Variants in LIMCH1 observed in about 807,000 individuals in gnomAD.
LIMCH1 encodes LIM and calponin homology domains 1.
In LIMCH1, 113 loss-of-function variants were observed where a neutral mutation model predicts 176.5. The observed-to-expected ratio is 0.64, with a 90% CI of 0.55 to 0.75. The LOEUF is 0.75. Ranked by LOEUF, LIMCH1 falls within the 30% of genes least tolerant of loss-of-function variation. LIMCH1 has a pLI of 0.00. For missense variants in LIMCH1, 1,674 were observed against 1,814.9 expected (o/e 0.92, Z 1.41); for synonymous variants, 619 against 645.9 (o/e 0.96, Z 0.63).
chr4:41,367,043 C>T (rs1358537063), intron 1 of LIMCH1, among the ~76,000 whole-genome samples: 1 of 152,142 alleles, frequency 6.6e-6, no homozygotes, highest in African/African-American at 2.4e-5. Flanking sequence ...CTGCCAAATG[C>T]TTTTAAAACC....
chr4:41,625,109 C>A (rs536831040), intron 7 of LIMCH1, among the ~76,000 whole-genome samples: 8 of 152,146 alleles, frequency 5.3e-5, no homozygotes, highest in Non-Finnish European at 5.9e-5. Flanking sequence ...ACAGCCTGGC[C>A]TGCCCCTTGA....
chr4:41,421,185 C>G (rs989520923), intron 1 of LIMCH1, among the ~76,000 whole-genome samples: 2 of 152,170 alleles, frequency 1.3e-5, no homozygotes, highest in Non-Finnish European at 2.9e-5. Flanking sequence ...ACATATTTAC[C>G]TACTCTGTGA....
chr4:41,559,630 T>A (rs922305302), intron 1 of LIMCH1, among the ~76,000 whole-genome samples: 18 of 152,154 alleles, frequency 1.2e-4, no homozygotes. Flanking sequence ...CGTACCAGCC[T>A]GACTTCCACT....
In LIMCH1 at chr4:41,685,780, G is replaced by A. The variant is rs61733763; in HGVS notation, c.4038G>A (p.Pro1346=). Reference sequence around the variant, plus strand: ...AAGATGTGAAGCCAAAAACCCTCCCGCTGGATAAAAGCATTAACCATCAGA... The same window carrying A: ...AAGATGTGAAGCCAAAAACCCTCCCACTGGATAAAAGCATTAACCATCAGA... ...SSEDVKPKTL[P]LDKSINHQIE... The change falls in exon 28 of 32, where the codon CCG becomes CCA. Residue 1346 remains proline, a synonymous_variant. Transcript: ENST00000503057. 6.1e-3 allele frequency: 9,866 copies of A among 1,613,428 alleles called. 44 individuals carry two copies. The highest frequency in any genetic ancestry group is 0.011 in the Middle Eastern group (68 of 6,054).
At chr4:41,539,960 C>G (rs937799938) in intron 1 of LIMCH1, among the ~76,000 whole-genome samples, 2 of 152,130 alleles carry the variant, frequency 1.3e-5, no homozygotes, top group African/African-American at 2.4e-5. Flanking sequence ...AAATGAATGA[C>G]CAGGATACTG....
intron 1 of LIMCH1, among the ~76,000 whole-genome samples, chr4:41,367,910 G>A (rs1052245029): frequency 2.7e-5 from 4 of 150,324 alleles, no homozygotes; most frequent in African/African-American, 9.8e-5. Flanking sequence ...AGAACAGAAG[G>A]ACTTGTAGCT....
At chr4:41,667,968 C>CAAA (rs11315408) in intron 21 of LIMCH1, among the ~76,000 whole-genome samples, 1 of 140,196 alleles carries the variant, frequency 7.1e-6, no homozygotes, top group African/African-American at 2.6e-5. Flanking sequence ...TTGTCGCTAC[C>CAAA]AAAAAAAAAA....
At position 41,700,000 on chromosome 4, in the gene LIMCH1, G is replaced by A. The variant is rs1259542262; in HGVS notation, c.*2815G>A. On this transcript the variant is annotated 3_prime_UTR_variant, in exon 32 of 32. Transcript: ENST00000503057. The stretch of plus-strand genomic sequence containing the variant: ...ACAACAAGTTGTCTAAAATGCAACA[G>A]CTTTTATAGTAAATGTACATTTATA... The A allele has an allele frequency of 2.0e-5, 3 of 152,142 alleles. No individual in the cohort carries two copies. Among genetic ancestry groups the A allele is most frequent in the Non-Finnish European group, 2.9e-5 (2 of 68,012 alleles). The allele number at this position is 152,142 out of a possible 1,614,324, so 9.4% of individuals were successfully genotyped here.
chr4:41,474,349 T>C (rs572605681), intron 1 of LIMCH1, among the ~76,000 whole-genome samples: 1 of 152,152 alleles, frequency 6.6e-6, no homozygotes, highest in South Asian at 2.1e-4. Flanking sequence ...TAGCTGGGTG[T>C]GGTGGCAGGC....
chr4:41,699,253 T>C lies in LIMCH1; in HGVS notation c.*2068T>C, dbSNP rs1205058394. The C allele has an allele frequency of 6.6e-6, 1 of 152,194 alleles. No homozygotes were observed. The highest frequency in any genetic ancestry group is 1.5e-5 in the Non-Finnish European group (1 of 68,028). The allele number at this position is 152,194 out of a possible 1,614,324, so 9.4% of individuals were successfully genotyped here. A position where few individuals can be genotyped will look rare whatever the true frequency, so the allele number is the denominator to read the frequency against. On this transcript the variant is annotated 3_prime_UTR_variant, in exon 32 of 32. Transcript: ENST00000503057. ...TACATGAATATTGCACATTCCCTTC[T>C]GGTTTCACAAACCCATTTATACATA...
At chr4:41,455,172 T>C (rs1222277727) in intron 1 of LIMCH1, among the ~76,000 whole-genome samples, 3 of 152,240 alleles carry the variant, frequency 2.0e-5, no homozygotes, top group Non-Finnish European at 4.4e-5. Flanking sequence ...CAGATCATTC[T>C]GAAATGAAGA....
chr4:41,452,304 T>C (rs569489662), intron 1 of LIMCH1, among the ~76,000 whole-genome samples: 1 of 152,218 alleles, frequency 6.6e-6, no homozygotes, highest in African/African-American at 2.4e-5. Context: ...TTTCCTTTCA[T>C]AAGCCTTCAT....
chr4:41,508,536 G>A (rs949023499), intron 2 of LIMCH1, among the ~76,000 whole-genome samples: 3 of 152,088 alleles, frequency 2.0e-5, no homozygotes, highest in South Asian at 4.2e-4. Context: ...AGCCATTGTC[G>A]GACATCAGGG....
chr4:41,692,973 AAGTG>A (rs1727408614), intron 31 of LIMCH1: 1 of 152,310 alleles, frequency 6.6e-6, no homozygotes. Context: ...CTGCCTTAGT[AAGTG>A]AGAAGCCTGC....
chr4:41,641,072 C>G (rs935073716), intron 14 of LIMCH1, among the ~76,000 whole-genome samples: 10 of 152,172 alleles, frequency 6.6e-5, no homozygotes, highest in African/African-American at 1.4e-4. Context: ...TTTCCAGGCC[C>G]TTGGGGTAAT....
rs754515926 is a variant in LIMCH1, at chr4:41,662,874, G to A, written c.3181G>A (p.Val1061Met). The change falls in exon 20 of 32, where the codon GTG (valine) becomes ATG (methionine). Residue 1061 changes from valine to methionine, a missense_variant. Val to Met is a conservative substitution (Grantham distance 21). Coordinates refer to ENST00000503057, the MANE Select transcript of LIMCH1 (RefSeq NM_001330672.2). ...TCGATGCAGCCCGACCGTGGCCTTT[G>A]TGGAATTTCCCTCCAGCCCCCAGCT... is the stretch of plus-strand genomic sequence containing the variant. The part of the protein sequence containing the change: ...VTRCSPTVAF[V>M]EFPSSPQLKN... 8 of 1,614,082 alleles carry A rather than the reference G, an allele frequency of 5.0e-6. No individual in the cohort carries two copies. Among genetic ancestry groups the A allele is most frequent in the Non-Finnish European group, 5.1e-6 (6 of 1,179,990 alleles).
intron 29 of LIMCH1, among the ~76,000 whole-genome samples, chr4:41,688,265 G>T (rs1168344736): frequency 6.6e-6 from 1 of 152,234 alleles, no homozygotes; most frequent in African/African-American, 2.4e-5. Context: ...TTCTAGGCGG[G>T]ATCCACTGAT....
At chr4:41,486,145 C>A (rs1207102816) in intron 1 of LIMCH1, among the ~76,000 whole-genome samples, 1 of 152,198 alleles carries the variant, frequency 6.6e-6, no homozygotes, top group Admixed American at 6.5e-5. Flanking sequence ...ACATTGCATG[C>A]AGCTTTTCCC....
chr4:41,494,416 T>C lies in LIMCH1; in HGVS notation c.97-120T>C, dbSNP rs182469775. On this transcript the variant is annotated intron_variant, in intron 1 of 26. Coordinates refer to the LIMCH1 transcript ENST00000313860. The stretch of plus-strand genomic sequence containing the variant: ...ATACGTACATACACATAAACATACA[T>C]ATATACACATACATAGTTATATATA... 130 of 641,182 alleles carry C rather than the reference T, an allele frequency of 2.0e-4. No homozygotes were observed. The African/African-American group carries it at 2.1e-3, about 11-fold the overall frequency. The allele number at this position is 641,182 out of a possible 1,614,324, so 39.7% of individuals were successfully genotyped here.
Sources: allele counts gnomAD v4.1 joint callset (sites outside exome capture counted in the v4.1 genomes callset), GRCh38; gene constraint gnomAD v4.1.1; transcripts MANE v1.5; gene names NCBI Gene and HGNC (gene_info 2026-07-23, HGNC 2026-07-21).